POTEE: variants seen among roughly 807,000 people sequenced by gnomAD.
POTEE encodes ANKRD26-like family C member 1A.
POTEE carries 21 observed loss-of-function variants against 74.2 expected under a neutral mutation model. The observed-to-expected ratio is 0.28, with a 90% confidence interval of 0.20 to 0.41. POTEE has a LOEUF of 0.41. Ranked by LOEUF, POTEE falls within the 10% of genes least tolerant of loss-of-function variation. POTEE has a pLI of 1.00. For missense variants in POTEE, 525 were observed against 1,158.6 expected (o/e 0.45, Z 7.94); for synonymous variants, 211 against 432.8 (o/e 0.49, Z 6.36).
At chr2:131,216,012 C>T (rs1347545132) in intron 2 of POTEE, among the ~76,000 whole-genome samples, 3 of 151,920 alleles carry the variant, frequency 2.0e-5, no homozygotes, top group Non-Finnish European at 2.9e-5. Flanking sequence ...TTGAGAGTTA[C>T]AAAATTAACA....
intron 4 of POTEE, among the ~76,000 whole-genome samples, chr2:131,222,329 G>A: frequency 6.6e-6 from 1 of 152,262 alleles, no homozygotes; most frequent in African/African-American, 2.4e-5. Context: ...AATACTGCAT[G>A]TTCTTACTTA....
Position 131,218,642 on chromosome 2 carries a change from G to A in POTEE, c.240G>A (p.Val80=). 6.2e-7 allele frequency: 1 copy of A among 1,610,394 alleles called. No homozygotes were observed. Among genetic ancestry groups the A allele is most frequent in the Non-Finnish European group, 8.5e-7 (1 of 1,178,842 alleles). Residue 80 remains valine, a synonymous_variant, in exon 4 of 18, where the codon GTG becomes GTA. Coordinates refer to ENST00000683005, the MANE Select transcript of POTEE (RefSeq NM_001083538.3). ...PCCRGSGKSN[V]GASGDHDDSA... ...GCAGGGGGAGTGGCAAGAGCAACGT[G>A]GGCGCTTCTGGAGACCACGACGACT...
intron 4 of POTEE, among the ~76,000 whole-genome samples, chr2:131,222,375 C>G (rs1399720607): frequency 1.3e-5 from 2 of 151,938 alleles, no homozygotes; most frequent in East Asian, 3.8e-4. Flanking sequence ...ACACAGATAC[C>G]TAGAGGGAAG....
chr2:131,263,799 A>G lies in POTEE; in HGVS notation c.2344A>G (p.Met782Val), dbSNP rs1428336530. The change falls in exon 18 of 18, where the codon ATG becomes GTG. Residue 782 changes from methionine (M) to valine (V), a missense_variant. Transcript: ENST00000683005. ...CGGCATCATCACCAACTGGGATGACATGGAGAAGATCTGGCACCACACCTT... is the reference window on the plus strand; with the variant it reads ...CGGCATCATCACCAACTGGGATGACGTGGAGAAGATCTGGCACCACACCTT... ...EHGIITNWDD[M>V]EKIWHHTFYN... 3.7e-6 allele frequency: 6 copies of G among 1,613,822 alleles called. No homozygotes were observed. Among genetic ancestry groups the G allele is most frequent in the East Asian group, 2.2e-5 (1 of 44,866 alleles).
chr2:131,224,905 A>T (rs980097629), intron 6 of POTEE, among the ~76,000 whole-genome samples: 1 of 152,014 alleles, frequency 6.6e-6, no homozygotes, highest in Non-Finnish European at 1.5e-5. Flanking sequence ...TCAAATCTAG[A>T]GTGTCTGGAT....
rs1177633534 is a variant in POTEE, at chr2:131,209,599, G to T, written c.-565G>T. 1.3e-5 allele frequency among the ~76,000 whole-genome samples: 2 copies of T among 152,246 alleles called. No homozygotes were observed. The highest frequency in any genetic ancestry group is 1.3e-4 in the Admixed American group (2 of 15,292). On this transcript the variant is annotated 5_prime_UTR_variant, in exon 1 of 18. Coordinates refer to ENST00000683005, the MANE Select transcript of POTEE (RefSeq NM_001083538.3). ...TGGCTGCTACCTGTTTCTGGCTGGA[G>T]CCTCGGACACTGGCTCACTGCAGTT...
chr2:131,251,205 C>A (rs201064493), intron 14 of POTEE, among the ~76,000 whole-genome samples: 5 of 11,114 alleles, frequency 4.5e-4, no homozygotes, highest in East Asian at 3.6e-3. Context: ...AGGGAGCTTG[C>A]AGTGAGCCGA....
In POTEE at chr2:131,218,835, A is replaced by G; in HGVS notation, c.433A>G (p.Arg145Gly). The G allele has an allele frequency of 1.2e-6, 2 of 1,612,920 alleles. No homozygotes were observed. Among genetic ancestry groups the G allele is most frequent in the Non-Finnish European group, 1.7e-6 (2 of 1,179,902 alleles). Residue 145 changes from arginine (R) to glycine (G), a missense_variant, in exon 4 of 18, where the codon AGA (arginine) becomes GGA (glycine). Physicochemically the swap from Arg to Gly is moderately radical, Grantham distance 125. Coordinates refer to ENST00000683005, the MANE Select transcript of POTEE (RefSeq NM_001083538.3). ...TGGAGAAGATCTGGACAAGCTCCAC[A>G]GAGCTGCCTGGTGGGGTAAAGTCCC... is the stretch of plus-strand genomic sequence containing the variant. Reference protein sequence around the residue: ...VRGEDLDKLHRAAWWGKVPRK... With the variant: ...VRGEDLDKLHGAAWWGKVPRK...
rs1573703639 is a variant in POTEE at position 131,223,245 on chromosome 2, A to G, written c.522-351A>G. On this transcript the variant is annotated intron_variant, in intron 4 of 17. Coordinates refer to ENST00000683005, the MANE Select transcript of POTEE (RefSeq NM_001083538.3). Reference sequence around the variant, plus strand: ...GTGCAGAGTCTCATTTAAGCATTAGAGTGGTTTCCTGTGAGAAAGCTACTA... The same window carrying G: ...GTGCAGAGTCTCATTTAAGCATTAGGGTGGTTTCCTGTGAGAAAGCTACTA... Among the ~76,000 whole-genome samples the G allele has an allele frequency of 5.0e-5, 5 of 99,770 alleles. No homozygotes were observed. The South Asian group carries it at 1.6e-3, about 33-fold the overall frequency. 65.5% of individuals were successfully genotyped at this position (99,770 alleles called of 152,430 possible).
chr2:131,209,604 G>T lies in POTEE; in HGVS notation c.-560G>T, dbSNP rs558914242. 1.3e-5 allele frequency among the ~76,000 whole-genome samples: 2 copies of T among 152,298 alleles called. No individual in the cohort carries two copies. Among genetic ancestry groups the T allele is most frequent in the African/African-American group, 2.4e-5 (1 of 41,558 alleles). ...GCTACCTGTTTCTGGCTGGAGCCTC[G>T]GACACTGGCTCACTGCAGTTGGTGG... On this transcript the variant is annotated 5_prime_UTR_variant, in exon 1 of 18. Transcript: ENST00000683005.
chr2:131,229,964 G>A (rs1367159172), intron 8 of POTEE, among the ~76,000 whole-genome samples: 2 of 151,734 alleles, frequency 1.3e-5, no homozygotes, highest in African/African-American at 4.9e-5. Context: ...AAAAATAAAA[G>A]TAGACTTTTG....
chr2:131,210,091 G>A (rs1224513937), intron 1 of POTEE, among the ~76,000 whole-genome samples: 1 of 146,566 alleles, frequency 6.8e-6, no homozygotes, highest in Non-Finnish European at 1.5e-5. Flanking sequence ...ATTTTCTGCT[G>A]CACTGCCCGG....
Position 131,217,747 on chromosome 2 carries a change from CCGCACGCCGCACGCCGCACG to C in POTEE, c.-94+79_-94+98del, listed in dbSNP as rs1359773275. Among the ~76,000 whole-genome samples the C allele has an allele frequency of 6.6e-3, 950 of 143,450 alleles. 19 individuals are homozygous for C. The highest frequency in any genetic ancestry group is 0.015 in the African/African-American group (522 of 35,522). The allele number at this position is 143,450 out of a possible 152,430, so 94.1% of individuals were successfully genotyped here. A position where few individuals can be genotyped will look rare whatever the true frequency, so the allele number is the denominator to read the frequency against. ...CCTGACGCCACCTGAGATAAGCACGCCGCACGCCGCACGCCGCACGCGCACGCCGCACGCGCACGCGCACG... is the reference window on the plus strand; with the variant it reads ...CCTGACGCCACCTGAGATAAGCACGCCGCACGCCGCACGCGCACGCGCACG... On this transcript the variant is annotated intron_variant, in intron 3 of 17. Coordinates refer to ENST00000683005, the MANE Select transcript of POTEE (RefSeq NM_001083538.3).
At chr2:131,215,716 G>GTGAA (rs1700431887) in intron 2 of POTEE, among the ~76,000 whole-genome samples, 1 of 138,162 alleles carries the variant, frequency 7.2e-6, no homozygotes, top group Non-Finnish European at 1.5e-5. Context: ...ATCCTGGTTT[G>GTGAA]CATTGATAGG....
At chr2:131,226,607 G>A (rs567564266) in intron 6 of POTEE, among the ~76,000 whole-genome samples, 1 of 150,102 alleles carries the variant, frequency 6.7e-6, no homozygotes, top group Non-Finnish European at 1.5e-5. Context: ...GTGAGTTTTT[G>A]AGATGATTAG....
chr2:131,216,291 G>A lies in POTEE; in HGVS notation c.-188-1298G>A, dbSNP rs530928326. On this transcript the variant is annotated intron_variant, in intron 2 of 17. Coordinates refer to ENST00000683005, the MANE Select transcript of POTEE (RefSeq NM_001083538.3). ...AGCATTCTACAGATTAAATGCAACC[G>A]CTGTCAAATTCCAATGTCATTCTTC... Among the ~76,000 whole-genome samples, 67 of 152,210 alleles carry A rather than the reference G, an allele frequency of 4.4e-4. 1 individual carries two copies. In the South Asian group the frequency reaches 0.013, roughly 30 times the overall value.
intron 8 of POTEE, among the ~76,000 whole-genome samples, chr2:131,230,556 T>C (rs1036358479): frequency 2.0e-5 from 3 of 152,196 alleles, no homozygotes; most frequent in Admixed American, 6.5e-5. Flanking sequence ...CTAGGACTTA[T>C]TTAGAGTTGG....
At chr2:131,234,264 T>A (rs1701058012) in intron 9 of POTEE, among the ~76,000 whole-genome samples, 1 of 151,648 alleles carries the variant, frequency 6.6e-6, no homozygotes. Context: ...AAGGAGCATA[T>A]GAAGGCAGCA....
chr2:131,263,008 T>C (rs1450829697), intron 17 of POTEE, among the ~76,000 whole-genome samples: 2 of 151,962 alleles, frequency 1.3e-5, no homozygotes, highest in African/African-American at 4.8e-5. Flanking sequence ...TTATATTTTA[T>C]GCCTCTGGGT....
Sources: allele counts gnomAD v4.1 joint callset (sites outside exome capture counted in the v4.1 genomes callset), GRCh38; gene constraint gnomAD v4.1.1; transcripts MANE v1.5; gene names NCBI Gene and HGNC (gene_info 2026-07-23, HGNC 2026-07-21).